Variants in CNTN1 observed in about 807,000 individuals in gnomAD.
The protein encoded by CNTN1 is contactin-1.
A neutral mutation model predicts 126.4 loss-of-function variants in CNTN1; 38 were observed. The ratio of observed to expected loss-of-function variants is 0.30; its 90% CI spans 0.23 to 0.39. The LOEUF is 0.39. Among genes scored for constraint, CNTN1 ranks in the 10% least tolerant of loss-of-function variants. CNTN1 has a pLI of 1.00. For synonymous variants in CNTN1, 413 were observed against 422.6 expected, an observed-to-expected ratio of 0.98 and a Z score of 0.28; for missense variants, 1,009 against 1,248.4, an observed-to-expected ratio of 0.81 and a Z score of 2.89.
chr12:40,943,911 A>T, intron 13 of CNTN1, 84 bp from the exon 14 acceptor site: 2 of 1,419,482 alleles, frequency 1.4e-6, no homozygotes, highest in East Asian at 5.0e-5. Context: ...ACAAATAAAA[A>T]TATATTGGTT....
chr12:40,935,321 A>T (rs774370650), intron 9 of CNTN1, among the ~76,000 whole-genome samples: 5 of 152,114 alleles, frequency 3.3e-5, no homozygotes, highest in Non-Finnish European at 5.9e-5. Flanking sequence ...TTTATTCAAC[A>T]TATTAAGAAA....
chr12:40,878,380 AT>A (rs1943753313), intron 1 of CNTN1, among the ~76,000 whole-genome samples: 1 of 149,936 alleles, frequency 6.7e-6, no homozygotes, highest in South Asian at 2.1e-4. Flanking sequence ...TACTAAACAT[AT>A]ACAAAAACAA....
At chr12:41,057,648 A>C (rs1334016615) in intron 23 of CNTN1, among the ~76,000 whole-genome samples, 2 of 152,126 alleles carry the variant, frequency 1.3e-5, no homozygotes, top group African/African-American at 4.8e-5. Flanking sequence ...TTGGAATGGA[A>C]GATTAAGAAA....
intron 1 of CNTN1, among the ~76,000 whole-genome samples, chr12:40,823,719 C>G (rs1483885113): frequency 6.6e-6 from 1 of 152,052 alleles, no homozygotes; most frequent in Non-Finnish European, 1.5e-5. Flanking sequence ...ATTTCATGGA[C>G]TTCCATAGCT....
chr12:40,812,525 A>G (rs1418991240), intron 1 of CNTN1, among the ~76,000 whole-genome samples: 2 of 152,026 alleles, frequency 1.3e-5, no homozygotes, highest in Non-Finnish European at 2.9e-5. Context: ...ATACTATTGT[A>G]TTTGTGTTGA....
intron 17 of CNTN1, among the ~76,000 whole-genome samples, chr12:41,005,277 T>C (rs1175047764): frequency 6.6e-6 from 1 of 152,218 alleles, no homozygotes; most frequent in African/African-American, 2.4e-5. Flanking sequence ...TTCTGGCTTG[T>C]AGGGCTTCTG....
At chr12:40,953,793 A>T (rs1218744055) in intron 14 of CNTN1, among the ~76,000 whole-genome samples, 1 of 152,096 alleles carries the variant, frequency 6.6e-6, no homozygotes, top group Non-Finnish European at 1.5e-5. Flanking sequence ...AAGAAGAATG[A>T]CCACATTATT....
At chr12:40,815,866 T>C (rs1162574796) in intron 1 of CNTN1, among the ~76,000 whole-genome samples, 1 of 152,240 alleles carries the variant, frequency 6.6e-6, no homozygotes, top group African/African-American at 2.4e-5. Context: ...TGAAGCGATG[T>C]TGAATTTTAT....
At chr12:40,817,315 A>G (rs1941288545) in intron 1 of CNTN1, among the ~76,000 whole-genome samples, 1 of 152,084 alleles carries the variant, frequency 6.6e-6, no homozygotes, top group Admixed American at 6.5e-5. Flanking sequence ...AACTTGTTTT[A>G]TGAATCTTAG....
At chr12:40,828,347 A>G (rs1941688184) in intron 1 of CNTN1, 2 of 152,202 alleles carry the variant, frequency 1.3e-5, no homozygotes, top group African/African-American at 2.4e-5. Context: ...GTAAACTAGA[A>G]TATGCTGAGT....
chr12:40,930,260 C>T (rs757043433), intron 7 of CNTN1, among the ~76,000 whole-genome samples: 7 of 151,926 alleles, frequency 4.6e-5, no homozygotes, highest in Admixed American at 1.3e-4. Context: ...GGACTGATAC[C>T]TTAGTCCAGT....
chr12:40,870,778 C>G (rs866928164), intron 1 of CNTN1, among the ~76,000 whole-genome samples: 6 of 152,056 alleles, frequency 3.9e-5, no homozygotes, highest in African/African-American at 1.2e-4. Context: ...CCAAACACAC[C>G]GTCACACACA....
chr12:40,758,453 G>T (rs1284676386), intron 1 of CNTN1, among the ~76,000 whole-genome samples: 1 of 151,844 alleles, frequency 6.6e-6, no homozygotes, highest in East Asian at 1.9e-4. Flanking sequence ...GACAATAATT[G>T]CAAAGGTTAT....
intron 23 of CNTN1, among the ~76,000 whole-genome samples, chr12:41,052,655 T>C (rs1158936177): frequency 6.6e-6 from 1 of 152,104 alleles, no homozygotes. Context: ...TATTTATATT[T>C]TATCCCCCAA....
chr12:40,732,597 CTG>C (rs1407699570), intron 1 of CNTN1, among the ~76,000 whole-genome samples: 1 of 152,002 alleles, frequency 6.6e-6, no homozygotes, highest in Non-Finnish European at 1.5e-5. Context: ...AAACCACTAA[CTG>C]TGATGGTCTT....
chr12:40,742,545 T>A (rs1937988561), intron 1 of CNTN1: 1 of 151,864 alleles, frequency 6.6e-6, no homozygotes, highest in East Asian at 1.9e-4. Flanking sequence ...AATTTAATTT[T>A]TTTTTTTTCT....
intron 23 of CNTN1, among the ~76,000 whole-genome samples, chr12:41,053,988 C>G (rs1178018230): frequency 6.6e-6 from 1 of 151,648 alleles, no homozygotes; most frequent in Non-Finnish European, 1.5e-5. Flanking sequence ...AATCAATATT[C>G]TATAAGCCAG....
At chr12:40,790,405 G>T (rs962073459) in intron 1 of CNTN1, among the ~76,000 whole-genome samples, 2 of 152,076 alleles carry the variant, frequency 1.3e-5, no homozygotes, top group Non-Finnish European at 2.9e-5. Flanking sequence ...TACCAGAAGA[G>T]CTCTTAGAAA....
At chr12:40,819,925 G>C (rs556685317) in intron 1 of CNTN1, among the ~76,000 whole-genome samples, 2 of 152,286 alleles carry the variant, frequency 1.3e-5, no homozygotes, top group South Asian at 4.1e-4. Flanking sequence ...CCCCTTCCTT[G>C]TGTCGTTCTC....
Sources: gnomAD v4.1 joint callset for allele counts (sites outside exome capture counted in the v4.1 genomes callset) on GRCh38, gnomAD v4.1.1 for gene constraint, MANE v1.5 for transcripts, NCBI Gene and HGNC (gene_info 2026-07-23, HGNC 2026-07-21) for gene names.